RP1L1: variants seen among roughly 807,000 people sequenced by gnomAD.
The protein encoded by RP1L1 is RP1 like 1.
In RP1L1, 27 loss-of-function variants were observed where a neutral mutation model predicts 15.7. The ratio of observed to expected loss-of-function variants is 1.72; its 90% CI spans 1.27 to 2.38. RP1L1 has a LOEUF of 2.38. Ranked by LOEUF, RP1L1 falls within the 30% of genes most tolerant of loss-of-function variation. The pLI is 0.00. For missense variants in RP1L1, 4,798 were observed against 3,075.9 expected (o/e 1.56, Z -13.24); for synonymous variants, 1,813 against 1,276.7 (o/e 1.42, Z -8.96).
chr8:10,654,226 A>C (rs538015254), intron 1 of RP1L1, among the ~76,000 whole-genome samples: 1 of 152,208 alleles, frequency 6.6e-6, no homozygotes, highest in Non-Finnish European at 1.5e-5. Context: ...CATTACCATA[A>C]AGAGAGCAGA....
chr8:10,623,092 G>T lies in RP1L1; in HGVS notation c.110C>A (p.Thr37Asn), dbSNP rs754231116. ...VTKVTPAKKI[T>N]FLKRGDPRFA... ...CCGTGGATCCCCTCGCTTGAGGAAG[G>T]TGATCTTCTTGGCTGGCGTGACCTT... Residue 37 changes from threonine to asparagine, a missense_variant, in exon 2 of 4, where the codon ACC becomes AAC. Transcript: ENST00000382483. 2.5e-6 allele frequency: 4 copies of T among 1,613,982 alleles called. No homozygotes were observed. The highest frequency in any genetic ancestry group is 1.1e-5 in the South Asian group (1 of 91,064).
intron 1 of RP1L1, among the ~76,000 whole-genome samples, chr8:10,648,866 C>A (rs1202425435): frequency 6.6e-6 from 1 of 152,248 alleles, no homozygotes; most frequent in African/African-American, 2.4e-5. Flanking sequence ...CCTGCACATA[C>A]CATGGCTAGA....
intron 1 of RP1L1, among the ~76,000 whole-genome samples, chr8:10,642,507 C>T (rs1478158769): frequency 6.6e-6 from 1 of 152,210 alleles, no homozygotes; most frequent in Non-Finnish European, 1.5e-5. Context: ...CATAGTGAAA[C>T]CTAGTACTAA....
chr8:10,616,128 C>A (rs1483333238), intron 3 of RP1L1, among the ~76,000 whole-genome samples: 1 of 151,982 alleles, frequency 6.6e-6, no homozygotes, highest in African/African-American at 2.4e-5. Flanking sequence ...AGGCGGGTGT[C>A]CAACTCCTAG....
At position 10,611,762 on chromosome 8, in the gene RP1L1, T is replaced by C. The variant is rs1797861445; in HGVS notation, c.2336A>G (p.His779Arg). The change falls in exon 4 of 4, where the codon CAC (histidine) becomes CGC (arginine). Residue 779 changes from histidine to arginine, a missense_variant. By Grantham distance (29) the His-to-Arg change is conservative. Transcript: ENST00000382483. ...RTCSPAPIPPHTSDSCSKSGA... is the reference protein window; with the variant it reads ...RTCSPAPIPPRTSDSCSKSGA... ...AGATTTTGAGCAGGAGTCGGATGTG[T>C]GGGGAGGTATGGGGGCCGGCGAGCA... The C allele has an allele frequency of 1.9e-6, 3 of 1,613,428 alleles. No individual in the cohort carries two copies. The highest frequency in any genetic ancestry group is 2.2e-5 in the South Asian group (2 of 91,068).
intron 3 of RP1L1, among the ~76,000 whole-genome samples, chr8:10,614,630 C>T (rs1483404015): frequency 7.6e-6 from 1 of 131,494 alleles, no homozygotes; most frequent in African/African-American, 2.8e-5. Flanking sequence ...CACTGCACTC[C>T]AGCCTGGGTG....
At chr8:10,625,036 C>T (rs1798134717) in intron 1 of RP1L1, among the ~76,000 whole-genome samples, 1 of 152,212 alleles carries the variant, frequency 6.6e-6, no homozygotes, top group East Asian at 1.9e-4. Flanking sequence ...GGGACAATCA[C>T]TGCATTCCTA....
At chr8:10,617,546 C>CTTTTTTTTTTTTTTTT (rs777209714) in intron 2 of RP1L1, among the ~76,000 whole-genome samples, 1 of 63,388 alleles carries the variant, frequency 1.6e-5, no homozygotes, top group African/African-American at 6.2e-5. Flanking sequence ...GTTTCTTTTT[C>CTTTTTTTTTTTTTTTT]TTTTTTTTTT....
At chr8:10,629,874 G>A (rs925393450) in intron 1 of RP1L1, among the ~76,000 whole-genome samples, 1 of 152,114 alleles carries the variant, frequency 6.6e-6, no homozygotes, top group South Asian at 2.1e-4. Context: ...GGCATTAGTG[G>A]TCTGTCCCCA....
rs563842822 is a variant in RP1L1 at position 10,636,854 on chromosome 8, GGGAAGCTGCA to G, written c.-19-13644_-19-13635del. Among the ~76,000 whole-genome samples, 45 of 152,284 alleles carry G rather than the reference GGGAAGCTGCA, an allele frequency of 3.0e-4. No individual in the cohort carries two copies. In the East Asian group the frequency reaches 8.5e-3, roughly 29 times the overall value. On this transcript the variant is annotated intron_variant, in intron 1 of 3. Coordinates refer to ENST00000382483, the MANE Select transcript of RP1L1 (RefSeq NM_178857.6). Reference sequence around the variant, plus strand: ...TGGGGCTGCTGGGTTCGGATGCCCTGGGAAGCTGCAGGTCACCTGGATGGAACTGGAGTGA... The same window carrying G: ...TGGGGCTGCTGGGTTCGGATGCCCTGGGTCACCTGGATGGAACTGGAGTGA...
intron 1 of RP1L1, among the ~76,000 whole-genome samples, chr8:10,650,145 T>A (rs1563142503): frequency 1.3e-5 from 2 of 152,214 alleles, no homozygotes; most frequent in African/African-American, 2.4e-5. Flanking sequence ...TATGGAAAGC[T>A]GGGTGCTGCT....
rs146002320 is a variant in RP1L1, at chr8:10,611,175, A to T, written c.2923T>A (p.Leu975Met). The change falls in exon 4 of 4, where the codon TTG (leucine) becomes ATG (methionine). Residue 975 changes from leucine to methionine, a missense_variant. Leu to Met is a conservative substitution (Grantham distance 15). Coordinates refer to ENST00000382483, the MANE Select transcript of RP1L1 (RefSeq NM_178857.6). ...GCTGCACCTGTGGTCTCGTCCGCCA[A>T]CTCATATGTCATGAGTATGGGCTCT... ...PEEPILMTYELADETTGAAGG... is the reference protein window; with the variant it reads ...PEEPILMTYEMADETTGAAGG... The T allele has an allele frequency of 2.7e-4, 441 of 1,612,758 alleles. 3 individuals carry two copies. The Middle Eastern group carries it at 5.0e-3, about 18-fold the overall frequency.
intron 1 of RP1L1, among the ~76,000 whole-genome samples, chr8:10,642,388 A>G (rs192545084): frequency 1.0e-3 from 156 of 152,324 alleles, no homozygotes; most frequent in African/African-American, 3.4e-3. Context: ...AAGAGCTTCT[A>G]GGAAACCTCT....
At chr8:10,634,895 C>G (rs1798306242) in intron 1 of RP1L1, among the ~76,000 whole-genome samples, 1 of 152,178 alleles carries the variant, frequency 6.6e-6, no homozygotes, top group Non-Finnish European at 1.5e-5. Flanking sequence ...GTCCTTGCCC[C>G]TCCAGTCTCC....
At chr8:10,616,077 T>C (rs1797959626) in intron 3 of RP1L1, among the ~76,000 whole-genome samples, 1 of 151,910 alleles carries the variant, frequency 6.6e-6, no homozygotes, top group African/African-American at 2.4e-5. Flanking sequence ...GCATATTTTT[T>C]TGTATTTTTT....
chr8:10,653,241 G>A (rs996215694), intron 1 of RP1L1, among the ~76,000 whole-genome samples: 4 of 152,126 alleles, frequency 2.6e-5, no homozygotes, highest in Non-Finnish European at 5.9e-5. Flanking sequence ...TTACAGGGAC[G>A]GGTTATTTAA....
Position 10,608,789 on chromosome 8 carries a change from T to C in RP1L1, c.5309A>G (p.Gln1770Arg). Residue 1770 changes from glutamine (Q) to arginine (R), a missense_variant, in exon 4 of 4, where the codon CAG becomes CGG. By Grantham distance (43) the Gln-to-Arg change is conservative (BLOSUM62 1). Coordinates refer to ENST00000382483, the MANE Select transcript of RP1L1 (RefSeq NM_178857.6). ...LGEAEGDAMA[Q>R]EREGKTHNSE... Reference sequence around the variant, plus strand: ...GTTGTGGGTTTTCCCTTCTCTCTCCTGAGCCATTGCATCTCCCTCTGCCTC... The same window carrying C: ...GTTGTGGGTTTTCCCTTCTCTCTCCCGAGCCATTGCATCTCCCTCTGCCTC... The C allele has an allele frequency of 5.0e-6, 8 of 1,614,240 alleles. No homozygotes were observed. Among genetic ancestry groups the C allele is most frequent in the African/African-American group, 1.3e-5 (1 of 75,068 alleles).
At position 10,611,934 on chromosome 8, in the gene RP1L1, G is replaced by A; in HGVS notation, c.2164C>T (p.Pro722Ser). ...RTQASGNLRPPSSGSLPSQDL... is the reference protein window; with the variant it reads ...RTQASGNLRPSSSGSLPSQDL... ...TGGGAAGGAAGAGAGCCCGAGGAGG[G>A]AGGTCTCAGGTTCCCAGAGGCCTGT... The change falls in exon 4 of 4, where the codon CCC becomes TCC. Residue 722 changes from proline to serine, a missense_variant. Transcript: ENST00000382483. 6.2e-7 allele frequency: 1 copy of A among 1,613,882 alleles called. No homozygotes were observed. Among genetic ancestry groups the A allele is most frequent in the Non-Finnish European group, 8.5e-7 (1 of 1,180,008 alleles).
chr8:10,631,811 C>G lies in RP1L1; in HGVS notation c.-19-8591G>C, dbSNP rs139404779. Among the ~76,000 whole-genome samples, 707 of 152,304 alleles carry G rather than the reference C, an allele frequency of 4.6e-3. 2 individuals are homozygous for G. The highest frequency in any genetic ancestry group is 8.0e-3 in the Non-Finnish European group (543 of 68,028). ...AGACGAAGACCAAGGGCGATGGGTC[C>G]TGGGGGGCTCTCCACGGCGGGGAAG... On this transcript the variant is annotated intron_variant, in intron 1 of 3. Transcript: ENST00000382483.
Sources: gnomAD v4.1 joint callset for allele counts (sites outside exome capture counted in the v4.1 genomes callset) on GRCh38, gnomAD v4.1.1 for gene constraint, MANE v1.5 for transcripts, NCBI Gene and HGNC (gene_info 2026-07-23, HGNC 2026-07-21) for gene names.